The following VPS13D variants were observed in gnomAD, a reference collection of about 807,000 sequenced individuals.
VPS13D encodes the protein intermembrane lipid transfer protein VPS13D.
VPS13D carries 187 observed loss-of-function variants against 461.9 expected under a neutral mutation model. The observed-to-expected ratio is 0.40, with a 90% confidence interval of 0.36 to 0.46. VPS13D has a LOEUF of 0.46. Among genes scored for constraint, VPS13D ranks in the 20% least tolerant of loss-of-function variants. The pLI, the probability that VPS13D is intolerant of heterozygous loss-of-function variation, is 0.60. For missense variants in VPS13D, 4,711 were observed against 5,364.9 expected (o/e 0.88, Z 3.81); for synonymous variants, 1,951 against 1,986.3 (o/e 0.98, Z 0.47).
chr1:12,361,629 T>C, intron 50 of VPS13D, among the ~76,000 whole-genome samples: 1 of 151,384 alleles, frequency 6.6e-6, no homozygotes. Context: ...TCTCCTGACC[T>C]CGTGATCCGC....
intron 52 of VPS13D, among the ~76,000 whole-genome samples, chr1:12,368,157 C>T (rs1053872733): frequency 2.0e-5 from 3 of 152,184 alleles, no homozygotes; most frequent in Non-Finnish European, 2.9e-5. Flanking sequence ...TTCCCTTCAG[C>T]GATTTTTCTG....
intron 40 of VPS13D, among the ~76,000 whole-genome samples, chr1:12,340,930 C>T (rs886905160): frequency 3.5e-4 from 53 of 152,312 alleles, no homozygotes; most frequent in African/African-American, 1.2e-3. Flanking sequence ...CTCTGTGTTC[C>T]ATGTGGAACC....
At chr1:12,470,813 T>C (rs1645553184) in intron 67 of VPS13D, among the ~76,000 whole-genome samples, 2 of 152,212 alleles carry the variant, frequency 1.3e-5, no homozygotes, top group South Asian at 4.1e-4. Context: ...ATTGCATTTG[T>C]GCATATGGTA....
chr1:12,382,186 C>A (rs1000696550), intron 57 of VPS13D, among the ~76,000 whole-genome samples: 2 of 151,958 alleles, frequency 1.3e-5, no homozygotes, highest in African/African-American at 4.8e-5. Flanking sequence ...ACTGCAACCT[C>A]CGCCTCCCGG....
chr1:12,362,825 C>G lies in VPS13D; in HGVS notation c.10247C>G (p.Ala3416Gly). Reference protein sequence around the residue: ...DNKSSHKLAFAQREFARGQGT... With the variant: ...DNKSSHKLAFGQREFARGQGT... ...AAATCATCTCACAAGCTTGCATTTG[C>G]ACAGAGGGAATTTGCCAGGGGACAG... Residue 3416 changes from alanine (A) to glycine (G), a missense_variant, in exon 51 of 70, where the codon GCA becomes GGA. This residue lies in a region of VPS13D where 4,411 missense variants were observed against 4,937.8 expected (regional missense o/e 0.89). Coordinates refer to ENST00000620676, the MANE Select transcript of VPS13D (RefSeq NM_015378.4). The G allele has an allele frequency of 6.2e-7, 1 of 1,614,168 alleles. No homozygotes were observed. The highest frequency in any genetic ancestry group is 8.5e-7 in the Non-Finnish European group (1 of 1,180,024).
Position 12,268,726 on chromosome 1 carries a change from G to T in VPS13D, c.1822G>T (p.Val608Phe), listed in dbSNP as rs374372259. The T allele has an allele frequency of 6.2e-7, 1 of 1,613,482 alleles. No homozygotes were observed. Among genetic ancestry groups the T allele is most frequent in the Admixed American group, 1.7e-5 (1 of 59,866 alleles). ...TTTAGCTGCAGATCCAGATGGCCCCGTTTTTGAGATGCTGTATGAGAGAAA... is the reference window on the plus strand; with the variant it reads ...TTTAGCTGCAGATCCAGATGGCCCCTTTTTTGAGATGCTGTATGAGAGAAA... Reference protein sequence around the residue: ...HYPAADPDGPVFEMLYERNPA... With the variant: ...HYPAADPDGPFFEMLYERNPA... The change falls in exon 16 of 70, where the codon GTT (valine) becomes TTT (phenylalanine). Residue 608 changes from valine to phenylalanine, a missense_variant. This residue lies in a region of VPS13D where 4,411 missense variants were observed against 4,937.8 expected (regional missense o/e 0.89). Coordinates refer to ENST00000620676, the MANE Select transcript of VPS13D (RefSeq NM_015378.4).
chr1:12,455,780 G>A (rs1287197633), intron 65 of VPS13D, among the ~76,000 whole-genome samples: 2 of 152,102 alleles, frequency 1.3e-5, no homozygotes, highest in Non-Finnish European at 2.9e-5. Context: ...TTAGCCAGGT[G>A]TGGTGGTACA....
chr1:12,410,805 A>G (rs1220597724), intron 63 of VPS13D, among the ~76,000 whole-genome samples: 1 of 152,258 alleles, frequency 6.6e-6, no homozygotes, highest in East Asian at 1.9e-4. Flanking sequence ...CCTGGAATGC[A>G]CATTCAGTTT....
chr1:12,503,957 G>C (rs1030229644), intron 68 of VPS13D, among the ~76,000 whole-genome samples: 1 of 152,128 alleles, frequency 6.6e-6, no homozygotes, highest in African/African-American at 2.4e-5. Context: ...TAGGGAAAGG[G>C]AACGGAAGAA....
At chr1:12,485,923 C>A (rs1322648916) in intron 67 of VPS13D, among the ~76,000 whole-genome samples, 3 of 152,156 alleles carry the variant, frequency 2.0e-5, no homozygotes, top group Non-Finnish European at 2.9e-5. Context: ...TGAAGGGTAC[C>A]ACCAAGCTGC....
chr1:12,362,584 A>G (rs1643967172), intron 50 of VPS13D, 136 bp from the exon 51 acceptor site: 2 of 851,328 alleles, frequency 2.3e-6, no homozygotes, highest in Non-Finnish European at 3.7e-6. Flanking sequence ...ACATTCCTAG[A>G]AGGTTCAATA....
At chr1:12,395,828 A>G (rs1267104461) in intron 60 of VPS13D, among the ~76,000 whole-genome samples, 2 of 151,534 alleles carry the variant, frequency 1.3e-5, no homozygotes, top group Non-Finnish European at 2.9e-5. Context: ...TATTAGAGGT[A>G]GAGTCCTTAG....
At chr1:12,501,388 A>G (rs563603280) in intron 68 of VPS13D, among the ~76,000 whole-genome samples, 9 of 152,332 alleles carry the variant, frequency 5.9e-5, no homozygotes, top group Non-Finnish European at 1.0e-4. Context: ...GTAACTGTTG[A>G]CACTTACAGA....
chr1:12,244,598 G>A lies in VPS13D; in HGVS notation c.428G>A (p.Arg143Lys). Residue 143 changes from arginine to lysine, a missense_variant, in exon 5 of 70, where the codon AGG becomes AAG. Arg to Lys is a conservative substitution (Grantham distance 26). Around this residue, in one of 3 missense-constraint regions of VPS13D, gnomAD observed 4,411 missense variants for 4,937.8 expected, o/e 0.89. Coordinates refer to ENST00000620676, the MANE Select transcript of VPS13D (RefSeq NM_015378.4). ...WYSVTASVVT[R>K]IVENIELKIQ... ...TCAGTTACCGCCTCCGTAGTTACAA[G>A]GATTGTGGAGAATATTGAAGTAAGT... 1 of 1,614,190 alleles carries A rather than the reference G, an allele frequency of 6.2e-7. No homozygotes were observed. The highest frequency in any genetic ancestry group is 1.1e-5 in the South Asian group (1 of 91,086).
At chr1:12,461,190 A>G (rs1441044246) in intron 67 of VPS13D, among the ~76,000 whole-genome samples, 1 of 152,172 alleles carries the variant, frequency 6.6e-6, no homozygotes, top group East Asian at 1.9e-4. Flanking sequence ...TTAAGCCCAG[A>G]AGGATTTTGC....
chr1:12,459,247 A>G (rs1645371278), intron 66 of VPS13D, among the ~76,000 whole-genome samples: 1 of 152,216 alleles, frequency 6.6e-6, no homozygotes, highest in South Asian at 2.1e-4. Context: ...ACTCCACACA[A>G]ATGAAGTGAT....
At chr1:12,319,765 CTT>C (rs1197466993) in intron 32 of VPS13D, 135 bp downstream of exon 32, 20 of 1,301,006 alleles carry the variant, frequency 1.5e-5, no homozygotes, top group African/African-American at 3.0e-5. Context: ...CTCTTTTCCT[CTT>C]TGTTTTCTCC....
At chr1:12,334,290 A>G (rs1643398543) in intron 38 of VPS13D, among the ~76,000 whole-genome samples, 1 of 152,160 alleles carries the variant, frequency 6.6e-6, no homozygotes, top group Non-Finnish European at 1.5e-5. Flanking sequence ...TGACCCTGTG[A>G]TTTCTCTAAA....
At position 12,400,976 on chromosome 1, in the gene VPS13D, A is replaced by G. The variant is rs1290862570; in HGVS notation, c.11785-632A>G. ...CCTGCGCGCGCGCACACACACACAC[A>G]CACACACACACACACACACACACAC... On this transcript the variant is annotated intron_variant, in intron 61 of 69. Coordinates refer to ENST00000620676, the MANE Select transcript of VPS13D (RefSeq NM_015378.4). Among the ~76,000 whole-genome samples, 236 of 148,276 alleles carry G rather than the reference A, an allele frequency of 1.6e-3. 1 individual carries two copies. The highest frequency in any genetic ancestry group is 5.7e-3 in the African/African-American group (218 of 38,432).
Sources: gnomAD v4.1 joint callset for allele counts (sites outside exome capture counted in the v4.1 genomes callset) on GRCh38, gnomAD v4.1.1 for gene constraint, gnomAD v4.1.1 regional missense constraint, MANE v1.5 for transcripts, NCBI Gene and HGNC (gene_info 2026-07-23, HGNC 2026-07-21) for gene names.